TMEM132D: variants seen among roughly 807,000 people sequenced by gnomAD.
TMEM132D encodes mature OL transmembrane protein.
TMEM132D carries 21 observed loss-of-function variants against 62.3 expected under a neutral mutation model. The ratio of observed to expected loss-of-function variants is 0.34; its 90% confidence interval spans 0.24 to 0.49. The LOEUF (loss-of-function observed/expected upper bound fraction) is 0.49, where lower values mean the gene tolerates loss of function less well. Ranked by LOEUF, TMEM132D falls within the 20% of genes least tolerant of loss-of-function variation. The pLI is 0.99. For synonymous variants in TMEM132D, 621 were observed against 575.6 expected (o/e 1.08, Z -1.13); for missense variants, 1,346 against 1,402.8 (o/e 0.96, Z 0.65).
At chr12:129,434,304 T>G (rs1362079084) in intron 3 of TMEM132D, among the ~76,000 whole-genome samples, 1 of 152,126 alleles carries the variant, frequency 6.6e-6, no homozygotes, top group Non-Finnish European at 1.5e-5. Flanking sequence ...AGGTAACGGA[T>G]GAGAACATGA....
intron 4 of TMEM132D, among the ~76,000 whole-genome samples, chr12:129,325,348 C>T (rs902191637): frequency 1.3e-5 from 2 of 152,242 alleles, no homozygotes; most frequent in East Asian, 1.9e-4. Context: ...ATTCTTTAGA[C>T]GGGGTGGTCA....
chr12:129,893,726 T>C (rs1476353620), intron 1 of TMEM132D, among the ~76,000 whole-genome samples: 1 of 152,238 alleles, frequency 6.6e-6, no homozygotes, highest in African/African-American at 2.4e-5. Context: ...TGCAATATGG[T>C]GAAAATACTT....
intron 3 of TMEM132D, among the ~76,000 whole-genome samples, chr12:129,344,254 C>T (rs551864255): frequency 6.6e-6 from 1 of 152,296 alleles, no homozygotes; most frequent in South Asian, 2.1e-4. Flanking sequence ...TAACATATTT[C>T]TGGTGACCAC....
chr12:129,494,918 T>C (rs566091179), intron 3 of TMEM132D, among the ~76,000 whole-genome samples: 2 of 152,282 alleles, frequency 1.3e-5, no homozygotes, highest in South Asian at 4.1e-4. Context: ...AATGCCAGTG[T>C]CTACAGCAGT....
chr12:129,206,650 C>T (rs879945335), intron 5 of TMEM132D, among the ~76,000 whole-genome samples: 20 of 152,134 alleles, frequency 1.3e-4, no homozygotes, highest in Non-Finnish European at 2.5e-4. Flanking sequence ...GATACATGCA[C>T]GCGAATGTTC....
chr12:129,116,918 CAAAAAAAA>C (rs60513263), intron 5 of TMEM132D, among the ~76,000 whole-genome samples: 5 of 59,044 alleles, frequency 8.5e-5, no homozygotes, highest in African/African-American at 1.3e-4. Flanking sequence ...AAAATTTCCG[CAAAAAAAA>C]AAAAAAAAAA....
rs1555233394 is a variant in TMEM132D, at chr12:129,813,611, G to GATAGATATATATATATATATATATAT, written c.79+89649_79+89650insATATATATATATATATATATATCTAT. 3.7e-5 allele frequency among the ~76,000 whole-genome samples: 5 copies of GATAGATATATATATATATATATATAT among 136,612 alleles called. No homozygotes were observed. In the South Asian group the frequency reaches 1.0e-3, roughly 28 times the overall value. 89.6% of individuals were successfully genotyped at this position (136,612 alleles called of 152,430 possible). On this transcript the variant is annotated intron_variant, in intron 1 of 8. Coordinates refer to ENST00000422113, the MANE Select transcript of TMEM132D (RefSeq NM_133448.3). ...AAGGATGGACGGATACAGAAAATGT[G>GATAGATATATATATATATATATATAT]ATATATATATATATATATATTTTCA...
chr12:129,229,307 A>G (rs1033172172), intron 4 of TMEM132D, among the ~76,000 whole-genome samples: 4 of 152,260 alleles, frequency 2.6e-5, no homozygotes, highest in Non-Finnish European at 5.9e-5. Flanking sequence ...GAGTACACTC[A>G]GCATATATCA....
At chr12:129,851,773 G>A (rs1873551812) in intron 1 of TMEM132D, among the ~76,000 whole-genome samples, 1 of 152,146 alleles carries the variant, frequency 6.6e-6, no homozygotes. Context: ...TCCATAAAGG[G>A]CCAGAGAGTC....
At chr12:129,537,269 C>T (rs921478792) in intron 2 of TMEM132D, among the ~76,000 whole-genome samples, 2 of 151,404 alleles carry the variant, frequency 1.3e-5, no homozygotes, top group African/African-American at 4.9e-5. Flanking sequence ...ACAAAACATA[C>T]ATGAAAATGC....
rs566948994 is a variant in TMEM132D, at chr12:129,073,460, T to A, written c.*415A>T. On this transcript the variant is annotated 3_prime_UTR_variant, in exon 9 of 9. Transcript: ENST00000422113. ...ACGCTTCCTCCCATTGATCCATGGA[T>A]GCGATCCATGGATGCTCCACCTGAG... 2 of 157,442 alleles carry A rather than the reference T, an allele frequency of 1.3e-5. No homozygotes were observed. Among genetic ancestry groups the A allele is most frequent in the African/African-American group, 4.8e-5 (2 of 41,666 alleles). The allele number at this position is 157,442 out of a possible 1,614,324, so 9.8% of individuals were successfully genotyped here.
At position 129,080,125 on chromosome 12, in the gene TMEM132D, G is replaced by A. The variant is rs187055674; in HGVS notation, c.1924-1400C>T. On this transcript the variant is annotated intron_variant, in intron 7 of 8. Coordinates refer to ENST00000422113, the MANE Select transcript of TMEM132D (RefSeq NM_133448.3). The stretch of plus-strand genomic sequence containing the variant: ...GTGGAGGTTGCAAGCTCTCATCTAT[G>A]AGACAGATATGTTTTGTCTGACATA... 4.1e-3 allele frequency among the ~76,000 whole-genome samples: 619 copies of A among 152,300 alleles called. 3 individuals are homozygous for A. The highest frequency in any genetic ancestry group is 5.6e-3 in the Non-Finnish European group (378 of 68,028).
intron 3 of TMEM132D, among the ~76,000 whole-genome samples, chr12:129,486,826 G>A (rs34804170): frequency 1.6e-5 from 2 of 126,288 alleles, no homozygotes; most frequent in Non-Finnish European, 3.1e-5. Context: ...AAGCACATGG[G>A]GGCACCTAGC....
intron 4 of TMEM132D, among the ~76,000 whole-genome samples, chr12:129,254,213 G>T (rs1476780558): frequency 6.6e-6 from 1 of 152,182 alleles, no homozygotes; most frequent in African/African-American, 2.4e-5. Flanking sequence ...GAAAAGATGT[G>T]TAGTGTTCCC....
In TMEM132D at chr12:129,371,024, GAGA is replaced by G. The variant is rs1425066925; in HGVS notation, c.1116-33210_1116-33208del. ...ATATGTTACAAAAAAATAGCCATAG[GAGA>G]AGAATTGTAACATTCTCAACACAAA... On this transcript the variant is annotated intron_variant, in intron 3 of 8. Transcript: ENST00000422113. The surrounding 1 kb of genome is among the most constrained non-coding windows in gnomAD (Gnocchi z 4.3). Among the ~76,000 whole-genome samples the G allele has an allele frequency of 6.6e-6, 1 of 152,120 alleles. No homozygotes were observed. Among genetic ancestry groups the G allele is most frequent in the African/African-American group, 2.4e-5 (1 of 41,430 alleles).
chr12:129,257,210 T>C (rs1334006437), intron 4 of TMEM132D, among the ~76,000 whole-genome samples: 3 of 128,782 alleles, frequency 2.3e-5, no homozygotes, highest in East Asian at 2.7e-4. Flanking sequence ...CTTTCTTTTT[T>C]TTTTTTTTTT....
chr12:129,340,764 A>T (rs966949582), intron 3 of TMEM132D, among the ~76,000 whole-genome samples: 4 of 152,236 alleles, frequency 2.6e-5, no homozygotes, highest in African/African-American at 7.2e-5. Flanking sequence ...ATTATAAAAC[A>T]TGCTGCTATA....
chr12:129,189,162 G>A (rs1210262564), intron 5 of TMEM132D, among the ~76,000 whole-genome samples: 1 of 152,138 alleles, frequency 6.6e-6, no homozygotes, highest in Non-Finnish European at 1.5e-5. Flanking sequence ...TCCCTGAGAG[G>A]TGATTTTCCA....
chr12:129,337,383 A>C (rs1360440942), intron 4 of TMEM132D, among the ~76,000 whole-genome samples: 1 of 152,132 alleles, frequency 6.6e-6, no homozygotes, highest in East Asian at 1.9e-4. Context: ...TATTTTCTAA[A>C]TAATACGTTA....
Sources: allele counts gnomAD v4.1 joint callset (sites outside exome capture counted in the v4.1 genomes callset), GRCh38; gene constraint gnomAD v4.1.1; non-coding constraint Gnocchi (gnomAD v3.1); transcripts MANE v1.5; gene names NCBI Gene and HGNC (gene_info 2026-07-23, HGNC 2026-07-21).